The following CACNA2D1 variants were observed in gnomAD, a reference collection of about 807,000 sequenced individuals.
CACNA2D1 encodes the protein calcium voltage-gated channel auxiliary subunit alpha2delta 1.
Under a neutral mutation model 171.5 loss-of-function variants are expected in CACNA2D1, and 53 were observed. The observed-to-expected ratio is 0.31, with a 90% CI of 0.25 to 0.39. The LOEUF (loss-of-function observed/expected upper bound fraction) is 0.39, where lower values mean the gene tolerates loss of function less well. CACNA2D1 is among the 10% of genes least tolerant of loss of function. The pLI is 1.00. For synonymous variants in CACNA2D1, 442 were observed against 443.1 expected (o/e 1.00, Z 0.03); for missense variants, 903 against 1,299.8 (o/e 0.69, Z 4.69).
chr7:82,128,847 TGGTG>T (rs1254855718), intron 5 of CACNA2D1, among the ~76,000 whole-genome samples: 7 of 152,114 alleles, frequency 4.6e-5, no homozygotes, highest in Non-Finnish European at 1.0e-4. Flanking sequence ...CCCTGAATGC[TGGTG>T]TTCTGAGGAG....
At chr7:82,393,560 A>C (rs1825434004) in intron 1 of CACNA2D1, among the ~76,000 whole-genome samples, 1 of 152,224 alleles carries the variant, frequency 6.6e-6, no homozygotes, top group Non-Finnish European at 1.5e-5. Context: ...GTTTCTCTGC[A>C]TTCTTATATT....
Position 82,428,285 on chromosome 7 carries a change from T to C in CACNA2D1, c.95+15080A>G, listed in dbSNP as rs184637389. Among the ~76,000 whole-genome samples, 324 of 152,270 alleles carry C rather than the reference T, an allele frequency of 2.1e-3. 2 individuals are homozygous for C. The highest frequency in any genetic ancestry group is 7.3e-3 in the African/African-American group (305 of 41,572). On this transcript the variant is annotated intron_variant, in intron 1 of 38. Coordinates refer to ENST00000356860, the MANE Select transcript of CACNA2D1 (RefSeq NM_000722.4). Reference sequence around the variant, plus strand: ...ACCTGTGTAACTTGACAGGAATCTGTACTGATTTAGTGAACAGAAAGGATA... The same window carrying C: ...ACCTGTGTAACTTGACAGGAATCTGCACTGATTTAGTGAACAGAAAGGATA...
At chr7:82,189,704 A>C (rs943461451) in intron 3 of CACNA2D1, among the ~76,000 whole-genome samples, 2 of 151,908 alleles carry the variant, frequency 1.3e-5, no homozygotes, top group African/African-American at 4.8e-5. Flanking sequence ...GGAAGAGTAT[A>C]AAAGAGCTTG....
Position 82,151,452 on chromosome 7 carries a change from C to T in CACNA2D1, c.355-14776G>A, listed in dbSNP as rs1464698877. 3.3e-5 allele frequency among the ~76,000 whole-genome samples: 5 copies of T among 151,972 alleles called. No individual in the cohort carries two copies. The East Asian group carries it at 9.6e-4, about 29-fold the overall frequency. On this transcript the variant is annotated intron_variant, in intron 4 of 38. Coordinates refer to ENST00000356860, the MANE Select transcript of CACNA2D1 (RefSeq NM_000722.4). ...CTTTTCCTTGGTGCAATTCTTAGTCCATGGTTGCTAACAAATCAATCTATC... is the reference window on the plus strand; with the variant it reads ...CTTTTCCTTGGTGCAATTCTTAGTCTATGGTTGCTAACAAATCAATCTATC...
At chr7:82,183,143 G>A (rs1346935493) in intron 3 of CACNA2D1, among the ~76,000 whole-genome samples, 4 of 151,770 alleles carry the variant, frequency 2.6e-5, no homozygotes, top group African/African-American at 4.8e-5. Context: ...TTATCAGTAA[G>A]GACCATCACT....
chr7:82,399,930 T>G (rs553955678), intron 1 of CACNA2D1, among the ~76,000 whole-genome samples: 10 of 152,254 alleles, frequency 6.6e-5, no homozygotes, highest in African/African-American at 2.2e-4. Context: ...ATTCATTTAT[T>G]CAGCCAAATT....
At chr7:82,251,362 TTATC>T (rs140675202) in intron 3 of CACNA2D1, among the ~76,000 whole-genome samples, 1,801 of 152,282 alleles carry the variant, frequency 0.012, 19 homozygotes, top group Middle Eastern at 0.031. Flanking sequence ...GTACTGGAAA[TTATC>T]TATATCTTGA....
At chr7:82,289,436 G>C (rs1811250416) in intron 3 of CACNA2D1, among the ~76,000 whole-genome samples, 4 of 152,204 alleles carry the variant, frequency 2.6e-5, no homozygotes. Context: ...GTGGACGTAA[G>C]TTTGCAGAGG....
intron 4 of CACNA2D1, among the ~76,000 whole-genome samples, chr7:82,138,998 C>T (rs555400510): frequency 2.0e-5 from 3 of 152,034 alleles, no homozygotes; most frequent in Admixed American, 6.6e-5. Flanking sequence ...AATGGGAACA[C>T]GTAGAAAACA....
chr7:82,115,805 A>G (rs1414918742), intron 6 of CACNA2D1, among the ~76,000 whole-genome samples: 4 of 152,126 alleles, frequency 2.6e-5, no homozygotes, highest in Middle Eastern at 3.2e-3. Flanking sequence ...ATAAACTTTA[A>G]CTGTAAATAA....
In CACNA2D1 at chr7:81,968,259, A is replaced by G. The variant is rs2130385036; in HGVS notation, c.2396-596T>C. On this transcript the variant is annotated intron_variant, in intron 29 of 38. Transcript: ENST00000356860. ...TCTCCTTTAAAACTTCAAACACTGA[A>G]TCATACAATCAAAAAAACTAATAGC... 1.3e-5 allele frequency among the ~76,000 whole-genome samples: 2 copies of G among 151,604 alleles called. 1 individual carries two copies. Among genetic ancestry groups the G allele is most frequent in the South Asian group, 4.2e-4 (2 of 4,818 alleles).
intron 1 of CACNA2D1, among the ~76,000 whole-genome samples, chr7:82,425,335 T>C (rs1233822083): frequency 6.6e-6 from 1 of 152,124 alleles, no homozygotes; most frequent in Non-Finnish European, 1.5e-5. Context: ...CATACGGGAA[T>C]GCAGTCCAGG....
At chr7:82,105,398 CTTTTTTT>C (rs572031121) in intron 6 of CACNA2D1, among the ~76,000 whole-genome samples, 1 of 99,486 alleles carries the variant, frequency 1.0e-5, no homozygotes, top group African/African-American at 3.9e-5. Context: ...CAGTTTTTGT[CTTTTTTT>C]TTTTTTTTTT....
chr7:82,185,263 C>G (rs1400374996), intron 3 of CACNA2D1, among the ~76,000 whole-genome samples: 1 of 151,382 alleles, frequency 6.6e-6, no homozygotes, highest in Non-Finnish European at 1.5e-5. Context: ...CCTTTTACAT[C>G]TGGTATTTTT....
intron 3 of CACNA2D1, among the ~76,000 whole-genome samples, chr7:82,258,098 AG>A (rs1806517251): frequency 6.6e-6 from 1 of 152,164 alleles, no homozygotes; most frequent in Non-Finnish European, 1.5e-5. Context: ...TGGAGGGAAA[AG>A]AGCTACAGGT....
chr7:82,071,237 C>G (rs149245466), intron 7 of CACNA2D1, among the ~76,000 whole-genome samples: 2 of 152,236 alleles, frequency 1.3e-5, no homozygotes, highest in Non-Finnish European at 2.9e-5. Flanking sequence ...GTGTTTTAGA[C>G]AAGATAGTTA....
intron 38 of CACNA2D1, among the ~76,000 whole-genome samples, chr7:81,951,585 A>G (rs1792524870): frequency 6.6e-6 from 1 of 152,122 alleles, no homozygotes; most frequent in Non-Finnish European, 1.5e-5. Flanking sequence ...AAGTTAGAAC[A>G]TACAATATTT....
At chr7:82,373,683 A>G (rs892973431) in intron 1 of CACNA2D1, among the ~76,000 whole-genome samples, 2 of 152,218 alleles carry the variant, frequency 1.3e-5, no homozygotes, top group African/African-American at 4.8e-5. Flanking sequence ...CTGTGGCACC[A>G]GTAACTCCCT....
rs186480978 is a variant in CACNA2D1 at position 82,061,008 on chromosome 7, T to C, written c.780-481A>G. 3.9e-5 allele frequency among the ~76,000 whole-genome samples: 6 copies of C among 152,230 alleles called. No individual in the cohort carries two copies. The South Asian group carries it at 6.2e-4, about 16-fold the overall frequency. ...CCTAAAGTAAATATCCTCTAGAATT[T>C]ATTCTTCATTTTTCTTTCCTCTACA... On this transcript the variant is annotated intron_variant, in intron 9 of 38. Coordinates refer to ENST00000356860, the MANE Select transcript of CACNA2D1 (RefSeq NM_000722.4).
Sources: gnomAD v4.1 joint callset for allele counts (sites outside exome capture counted in the v4.1 genomes callset) on GRCh38, gnomAD v4.1.1 for gene constraint, MANE v1.5 for transcripts, NCBI Gene and HGNC (gene_info 2026-07-23, HGNC 2026-07-21) for gene names.